Variants in MAMDC2 observed in about 807,000 individuals in gnomAD.
The protein encoded by MAMDC2 is MAM domain-containing protein 2.
MAMDC2 carries 57 observed loss-of-function variants against 89.8 expected under a neutral mutation model. The observed-to-expected ratio is 0.63, with a 90% CI of 0.51 to 0.79. MAMDC2 has a LOEUF of 0.79. Ranked by LOEUF, MAMDC2 falls within the 30% of genes least tolerant of loss-of-function variation. The pLI, the probability that MAMDC2 is intolerant of heterozygous loss-of-function variation, is 0.00. For synonymous variants in MAMDC2, 313 were observed against 293.4 expected (o/e 1.07, Z -0.68); for missense variants, 800 against 820.6 (o/e 0.97, Z 0.31).
chr9:70,047,501 C>T (rs1826782383), intron 2 of MAMDC2, among the ~76,000 whole-genome samples: 1 of 152,134 alleles, frequency 6.6e-6, no homozygotes, highest in Admixed American at 6.5e-5. Context: ...TGGCTTCCAG[C>T]TTCATCCATG....
In MAMDC2 at chr9:70,156,590, A is replaced by C. The variant is rs971707736; in HGVS notation, c.1405-12112A>C. Among the ~76,000 whole-genome samples, 3 of 152,324 alleles carry C rather than the reference A, an allele frequency of 2.0e-5. No homozygotes were observed. The East Asian group carries it at 5.8e-4, about 29-fold the overall frequency. On this transcript the variant is annotated intron_variant, in intron 9 of 13. Transcript: ENST00000377182. ...GCAAAGTAGAAATAGAAAGGTCATT[A>C]ATTACTGACAAGATAATCAACACAT...
intron 11 of MAMDC2, among the ~76,000 whole-genome samples, chr9:70,214,475 T>C (rs936362115): frequency 1.3e-5 from 2 of 152,208 alleles, no homozygotes; most frequent in African/African-American, 4.8e-5. Flanking sequence ...GGTAAGAGAA[T>C]AGGTGGGAGA....
chr9:70,116,475 C>T (rs1375353065), intron 5 of MAMDC2, among the ~76,000 whole-genome samples: 4 of 140,486 alleles, frequency 2.8e-5, no homozygotes, highest in Admixed American at 2.3e-4. Context: ...ACTTTATTAC[C>T]TTGACTAAAC....
intron 11 of MAMDC2, among the ~76,000 whole-genome samples, chr9:70,187,782 T>C (rs979779229): frequency 2.6e-5 from 4 of 152,024 alleles, no homozygotes; most frequent in Admixed American, 2.0e-4. Flanking sequence ...TTTATAAATT[T>C]ATCAATTGAT....
At chr9:70,128,201 T>G (rs1182156880) in intron 6 of MAMDC2, among the ~76,000 whole-genome samples, 2 of 152,246 alleles carry the variant, frequency 1.3e-5, no homozygotes, top group Admixed American at 1.3e-4. Flanking sequence ...GGAGACTGTC[T>G]GAACAAGAGA....
intron 4 of MAMDC2, among the ~76,000 whole-genome samples, chr9:70,111,689 A>G (rs2997711): frequency 0.033 from 5,004 of 152,294 alleles, 266 homozygotes; most frequent in African/African-American, 0.11. Context: ...GTGCTTGCTA[A>G]TGTAAAAACA....
At chr9:70,051,888 G>GATAGAGAT (rs1554665151) in intron 2 of MAMDC2, among the ~76,000 whole-genome samples, 9,854 of 148,794 alleles carry the variant, frequency 0.066, 348 homozygotes, top group Middle Eastern at 0.083. Context: ...TAGATAGATA[G>GATAGAGAT]AGATAGATAG....
chr9:70,195,156 A>T (rs1486262153), intron 11 of MAMDC2, among the ~76,000 whole-genome samples: 1 of 152,118 alleles, frequency 6.6e-6, no homozygotes. Context: ...CAGGCAAAAA[A>T]ATATCACAAA....
At chr9:70,086,626 T>C (rs957589610) in intron 2 of MAMDC2, 2 of 152,140 alleles carry the variant, frequency 1.3e-5, no homozygotes, top group East Asian at 1.9e-4. Flanking sequence ...GCTCTCAAGA[T>C]TGGGGATGCA....
chr9:70,044,949 T>A (rs1826709786), intron 2 of MAMDC2, among the ~76,000 whole-genome samples: 1 of 152,324 alleles, frequency 6.6e-6, no homozygotes, highest in Admixed American at 6.5e-5. Context: ...ACCCCAGCAC[T>A]CCTTAATGGA....
chr9:70,116,355 T>C (rs1007245435), intron 5 of MAMDC2, among the ~76,000 whole-genome samples: 6 of 152,214 alleles, frequency 3.9e-5, no homozygotes, highest in Non-Finnish European at 8.8e-5. Flanking sequence ...TCCTTCCTCA[T>C]GCCCATCTGA....
At chr9:70,108,575 T>A in intron 3 of MAMDC2, 93 bp downstream of exon 3, 3 of 1,100,182 alleles carry the variant, frequency 2.7e-6, no homozygotes, top group Non-Finnish European at 3.8e-6. Flanking sequence ...GGAGGTTAGT[T>A]ATCTCCTGGA....
chr9:70,148,385 G>A (rs1359175396), intron 9 of MAMDC2, among the ~76,000 whole-genome samples: 1 of 150,218 alleles, frequency 6.7e-6, no homozygotes, highest in African/African-American at 2.5e-5. Context: ...ATAGTGATTA[G>A]GAGAACAGAC....
chr9:70,083,703 T>TC (rs1827706250), intron 2 of MAMDC2: 1 of 151,266 alleles, frequency 6.6e-6, no homozygotes, highest in Middle Eastern at 3.4e-3. Flanking sequence ...TCTTTCTTTT[T>TC]TTTTTTTTTT....
intron 2 of MAMDC2, among the ~76,000 whole-genome samples, chr9:70,104,199 C>T (rs1458679043): frequency 6.6e-6 from 1 of 152,048 alleles, no homozygotes; most frequent in East Asian, 1.9e-4. Flanking sequence ...GAAAGATGCT[C>T]TACATAATTA....
intron 9 of MAMDC2, among the ~76,000 whole-genome samples, chr9:70,161,301 C>A (rs1424217398): frequency 6.6e-6 from 1 of 152,138 alleles, no homozygotes; most frequent in Non-Finnish European, 1.5e-5. Context: ...CCTGAAGGCT[C>A]CTGGGAGCAG....
intron 9 of MAMDC2, chr9:70,153,864 A>T (rs528497549): frequency 8.7e-4 from 133 of 152,218 alleles, no homozygotes; most frequent in African/African-American, 3.0e-3. Context: ...TGTCTCGTGG[A>T]GCACAAATGC....
intron 11 of MAMDC2, among the ~76,000 whole-genome samples, chr9:70,187,334 A>T (rs1009330088): frequency 1.3e-4 from 19 of 151,908 alleles, no homozygotes; most frequent in Admixed American, 7.9e-4. Context: ...CAATTAAAAA[A>T]TTTTTTTTGA....
chr9:70,099,830 C>G (rs1405725894), intron 2 of MAMDC2, among the ~76,000 whole-genome samples: 4 of 152,046 alleles, frequency 2.6e-5, no homozygotes, highest in Admixed American at 2.6e-4. Context: ...CAAAAATTAG[C>G]TGGGCGTGGT....
Sources: allele counts gnomAD v4.1 joint callset (sites outside exome capture counted in the v4.1 genomes callset), GRCh38; gene constraint gnomAD v4.1.1; transcripts MANE v1.5; gene names NCBI Gene and HGNC (gene_info 2026-07-23, HGNC 2026-07-21).